The following TMEM132B variants were observed in gnomAD, a reference collection of about 807,000 sequenced individuals.
TMEM132B encodes the protein transmembrane protein 132B.
Under a neutral mutation model 90.8 loss-of-function variants are expected in TMEM132B, and 18 were observed. The observed-to-expected ratio is 0.20, with a 90% CI of 0.14 to 0.29. The LOEUF is 0.29. TMEM132B is among the 10% of genes least tolerant of loss of function. The pLI, the probability that TMEM132B is intolerant of heterozygous loss-of-function variation, is 1.00. For synonymous variants in TMEM132B, 504 were observed against 523.3 expected, an observed-to-expected ratio of 0.96 and a Z score of 0.50; for missense variants, 1,096 against 1,326.8, an observed-to-expected ratio of 0.83 and a Z score of 2.70.
At chr12:125,450,463 T>C (rs1881119185) in intron 3 of TMEM132B, among the ~76,000 whole-genome samples, 1 of 152,176 alleles carries the variant, frequency 6.6e-6, no homozygotes, top group Non-Finnish European at 1.5e-5. Context: ...CAAACCCGTG[T>C]AGATAATAAA....
intron 2 of TMEM132B, among the ~76,000 whole-genome samples, chr12:125,351,652 T>G (rs971443719): frequency 2.0e-5 from 3 of 152,218 alleles, no homozygotes; most frequent in Non-Finnish European, 4.4e-5. Context: ...AGAAAGCGGC[T>G]ATCATCCCTC....
chr12:125,572,167 A>G lies in TMEM132B; in HGVS notation c.1294-11684A>G, dbSNP rs113998359. ...ATCTCCTTTTCAGGACATACAATGC[A>G]TATTTATCCCATTGCTAGTGATGTT... On this transcript the variant is annotated intron_variant, in intron 4 of 8. Transcript: ENST00000682704. 1.7e-3 allele frequency among the ~76,000 whole-genome samples: 262 copies of G among 152,340 alleles called. 2 individuals are homozygous for G. The highest frequency in any genetic ancestry group is 6.2e-3 in the African/African-American group (256 of 41,572).
intron 3 of TMEM132B, among the ~76,000 whole-genome samples, chr12:125,518,837 A>G (rs1000740758): frequency 1.3e-5 from 2 of 152,194 alleles, no homozygotes; most frequent in African/African-American, 2.4e-5. Flanking sequence ...TGAGAAGTCC[A>G]GTGTAGTATC....
At chr12:125,389,442 A>G (rs1455170424) in intron 2 of TMEM132B, among the ~76,000 whole-genome samples, 1 of 150,712 alleles carries the variant, frequency 6.6e-6, no homozygotes, top group Admixed American at 6.6e-5. Flanking sequence ...TTCATCACAG[A>G]TATCTCTTCC....
intron 1 of TMEM132B, among the ~76,000 whole-genome samples, chr12:125,190,290 G>A (rs373719399): frequency 2.0e-5 from 3 of 152,160 alleles, no homozygotes; most frequent in African/African-American, 7.2e-5. Flanking sequence ...GGATCCCAAG[G>A]TCATGAGAAT....
At chr12:125,222,673 C>A (rs1403281531) in intron 1 of TMEM132B, among the ~76,000 whole-genome samples, 1 of 152,212 alleles carries the variant, frequency 6.6e-6, no homozygotes, top group Non-Finnish European at 1.5e-5. Context: ...TTAGCCTTGG[C>A]ATTATTTACA....
chr12:125,467,760 C>A (rs1881607287), intron 3 of TMEM132B, among the ~76,000 whole-genome samples: 1 of 152,180 alleles, frequency 6.6e-6, no homozygotes, highest in Admixed American at 6.5e-5. Flanking sequence ...TAATCATTCC[C>A]CATTCTCCTT....
At chr12:125,457,102 C>A (rs1020500652) in intron 3 of TMEM132B, among the ~76,000 whole-genome samples, 2 of 152,160 alleles carry the variant, frequency 1.3e-5, no homozygotes, top group Non-Finnish European at 2.9e-5. Flanking sequence ...CAGGCTCATT[C>A]TGTGGCTCAG....
chr12:125,538,038 C>A (rs374011323), intron 4 of TMEM132B, among the ~76,000 whole-genome samples: 2 of 152,186 alleles, frequency 1.3e-5, no homozygotes, highest in African/African-American at 2.4e-5. Flanking sequence ...CTCCTATTGG[C>A]GTCAGCATTG....
In TMEM132B at chr12:125,490,713, G is replaced by A. The variant is rs757848581; in HGVS notation, c.1107-28726G>A. ...GATCTCCTGACCTCGTGATCCGCCC[G>A]TCTTGGCCTCCCAAAGTGCTGGGAT... On this transcript the variant is annotated intron_variant, in intron 3 of 8. Coordinates refer to ENST00000682704, the MANE Select transcript of TMEM132B (RefSeq NM_001366854.1). The surrounding 1 kb of genome is among the most constrained non-coding windows in gnomAD (Gnocchi z 4.2). Among the ~76,000 whole-genome samples, 4 of 152,088 alleles carry A rather than the reference G, an allele frequency of 2.6e-5. No individual in the cohort carries two copies. Among genetic ancestry groups the A allele is most frequent in the Non-Finnish European group, 4.4e-5 (3 of 68,024 alleles).
chr12:125,519,300 A>T, intron 3 of TMEM132B, 139 bp from the exon 4 acceptor site: 1 of 864,482 alleles, frequency 1.2e-6, no homozygotes, highest in Non-Finnish European at 1.8e-6. Context: ...TTAGGCTCCG[A>T]CAACACTGCC....
intron 5 of TMEM132B, among the ~76,000 whole-genome samples, chr12:125,592,559 G>T (rs1885339918): frequency 6.6e-6 from 1 of 152,120 alleles, no homozygotes; most frequent in Non-Finnish European, 1.5e-5. Context: ...TAAAGTTTTT[G>T]CTGTTTGCTG....
chr12:125,414,298 T>C (rs390753), intron 2 of TMEM132B, among the ~76,000 whole-genome samples: 77,487 of 151,952 alleles, frequency 0.51, 22,072 homozygotes, highest in African/African-American at 0.77. Flanking sequence ...TGTCTTTTTG[T>C]TTTCATTCAC....
In TMEM132B at chr12:125,319,221, C is replaced by T. The variant is rs754339986; in HGVS notation, c.68-30231C>T. On this transcript the variant is annotated intron_variant, in intron 1 of 8. Coordinates refer to ENST00000682704, the MANE Select transcript of TMEM132B (RefSeq NM_001366854.1). ...GGGAGGATTTGCAGAGATGGTGGCA[C>T]GTGTAGCGTGTTTAGCTCAGAGCCG... 3.9e-5 allele frequency among the ~76,000 whole-genome samples: 6 copies of T among 152,294 alleles called. No homozygotes were observed. The East Asian group carries it at 5.8e-4, about 15-fold the overall frequency.
chr12:125,623,184 C>A (rs1452276930), intron 5 of TMEM132B, among the ~76,000 whole-genome samples: 1 of 152,116 alleles, frequency 6.6e-6, no homozygotes, highest in Non-Finnish European at 1.5e-5. Flanking sequence ...AATTGTAAGC[C>A]TAGATATTTT....
chr12:125,350,077 G>T lies in TMEM132B; in HGVS notation c.693G>T (p.Lys231Asn), dbSNP rs1291720994. ...ELFFTLYPAD[K>N]AGQCPLEEEG... ...TCTTCACGCTCTACCCAGCTGACAA[G>T]GCTGGCCAGTGTCCTCTGGAGGAGG... Residue 231 changes from lysine (K) to asparagine (N), a missense_variant, in exon 2 of 9, where the codon AAG becomes AAT. Coordinates refer to ENST00000682704, the MANE Select transcript of TMEM132B (RefSeq NM_001366854.1). 6.2e-7 allele frequency: 1 copy of T among 1,614,212 alleles called. No homozygotes were observed. Among genetic ancestry groups the T allele is most frequent in the South Asian group, 1.1e-5 (1 of 91,082 alleles).
intron 5 of TMEM132B, among the ~76,000 whole-genome samples, chr12:125,588,967 A>G (rs1482092123): frequency 6.6e-6 from 1 of 152,228 alleles, no homozygotes; most frequent in African/African-American, 2.4e-5. Context: ...AAAAATTCAC[A>G]TAGTGCTTGA....
At chr12:125,505,176 A>AAC (rs1882808295) in intron 3 of TMEM132B, among the ~76,000 whole-genome samples, 1 of 135,604 alleles carries the variant, frequency 7.4e-6, no homozygotes, top group Non-Finnish European at 1.5e-5. Context: ...CAAAAAAAAA[A>AAC]AAAAAAAAAA....
intron 1 of TMEM132B, among the ~76,000 whole-genome samples, chr12:125,212,699 A>T (rs960570958): frequency 2.0e-5 from 3 of 152,120 alleles, no homozygotes; most frequent in Non-Finnish European, 4.4e-5. Context: ...CGTCTAAAAA[A>T]AAAGAAATTC....
Sources: gnomAD v4.1 joint callset for allele counts (sites outside exome capture counted in the v4.1 genomes callset) on GRCh38, gnomAD v4.1.1 for gene constraint, Gnocchi (gnomAD v3.1) non-coding constraint, MANE v1.5 for transcripts, NCBI Gene and HGNC (gene_info 2026-07-23, HGNC 2026-07-21) for gene names.